The following CFAP20DC variants were observed in gnomAD, a reference collection of about 807,000 sequenced individuals.
CFAP20DC encodes the protein protein CFAP20DC.
A neutral mutation model predicts 101.7 loss-of-function variants in CFAP20DC; 84 were observed. That is an observed-to-expected ratio of 0.83 (90% CI 0.69 to 0.99). CFAP20DC has a LOEUF of 0.99. CFAP20DC is among the 50% of genes least tolerant of loss of function. CFAP20DC has a pLI of 0.00. For missense variants in CFAP20DC, 1,007 were observed against 970.3 expected (o/e 1.04, Z -0.50); for synonymous variants, 359 against 351.2 (o/e 1.02, Z -0.25).
At position 58,933,589 on chromosome 3, in the gene CFAP20DC, A is replaced by T. The variant is rs1452592753; in HGVS notation, c.393+4059T>A. ...CAAACTGTCTCTCAGACCACAGTGA[A>T]ATCAAACCAGAACTCAGGATTAAGA... is the stretch of plus-strand genomic sequence containing the variant. On this transcript the variant is annotated intron_variant, in intron 5 of 16. Transcript: ENST00000482387. 4.6e-5 allele frequency among the ~76,000 whole-genome samples: 7 copies of T among 152,234 alleles called. No individual in the cohort carries two copies. In the East Asian group the frequency reaches 1.3e-3, roughly 29 times the overall value.
intron 4 of CFAP20DC, among the ~76,000 whole-genome samples, chr3:59,028,322 CAAAAT>C (rs1485070143): frequency 2.6e-5 from 4 of 152,106 alleles, no homozygotes; most frequent in African/African-American, 9.7e-5. Flanking sequence ...AATGCTAAAA[CAAAAT>C]AAAGATTTCA....
At chr3:59,029,526 A>G (rs1298086232) in intron 4 of CFAP20DC, among the ~76,000 whole-genome samples, 1 of 152,078 alleles carries the variant, frequency 6.6e-6, no homozygotes, top group Non-Finnish European at 1.5e-5. Context: ...AAGAGACTTC[A>G]CCTGGTGCGT....
intron 14 of CFAP20DC, among the ~76,000 whole-genome samples, chr3:58,823,165 T>C (rs1411926800): frequency 2.0e-5 from 3 of 152,114 alleles, no homozygotes; most frequent in Admixed American, 2.0e-4. Context: ...TTACATGAAA[T>C]AAATTTGTAT....
chr3:58,959,293 C>T (rs1183449323), intron 4 of CFAP20DC, among the ~76,000 whole-genome samples: 6 of 152,144 alleles, frequency 3.9e-5, no homozygotes, highest in Admixed American at 3.9e-4. Flanking sequence ...AGGGTTTCAC[C>T]ATGTTGGTCA....
intron 5 of CFAP20DC, among the ~76,000 whole-genome samples, chr3:58,934,098 C>T (rs1422349334): frequency 2.6e-5 from 4 of 152,116 alleles, no homozygotes; most frequent in Non-Finnish European, 5.9e-5. Flanking sequence ...ATATCACCAT[C>T]GATCCCACAG....
intron 3 of CFAP20DC, among the ~76,000 whole-genome samples, chr3:59,039,902 A>T (rs920706917): frequency 6.6e-6 from 1 of 152,020 alleles, no homozygotes; most frequent in South Asian, 2.1e-4. Context: ...AGTTTTTATT[A>T]TTTTTATTAG....
Position 59,006,926 on chromosome 3 carries a change from C to T in CFAP20DC, c.278+32631G>A, listed in dbSNP as rs971902211. Reference sequence around the variant, plus strand: ...CTGAAAGCCTTGCTTGCTTTCTCAGCGTGGAAGCTTATGGCCTGGGGCAGG... The same window carrying T: ...CTGAAAGCCTTGCTTGCTTTCTCAGTGTGGAAGCTTATGGCCTGGGGCAGG... On this transcript the variant is annotated intron_variant, in intron 4 of 16. Coordinates refer to ENST00000482387, the MANE Select transcript of CFAP20DC (RefSeq NM_001394063.1). The surrounding 1 kb of genome is among the most constrained non-coding windows in gnomAD (Gnocchi z 4.3). Among the ~76,000 whole-genome samples the T allele has an allele frequency of 5.3e-5, 8 of 152,144 alleles. No individual in the cohort carries two copies. In the South Asian group the frequency reaches 8.3e-4, roughly 16 times the overall value.
intron 14 of CFAP20DC, among the ~76,000 whole-genome samples, chr3:58,830,170 C>A (rs372456714): frequency 6.6e-6 from 1 of 152,118 alleles, no homozygotes; most frequent in South Asian, 2.1e-4. Context: ...GCAAGAGAAA[C>A]CTGAAGGTAT....
At chr3:58,928,286 A>AATGATGAG (rs1175696254) in intron 5 of CFAP20DC, among the ~76,000 whole-genome samples, 5 of 152,206 alleles carry the variant, frequency 3.3e-5, no homozygotes, top group African/African-American at 1.2e-4. Context: ...TGTGAATGGC[A>AATGATGAG]ATGATGAGCT....
At chr3:58,807,248 G>C (rs755075733) in intron 14 of CFAP20DC, among the ~76,000 whole-genome samples, 1 of 152,176 alleles carries the variant, frequency 6.6e-6, no homozygotes, top group South Asian at 2.1e-4. Context: ...ATCTGAGAAT[G>C]GGCAGACTGC....
chr3:58,763,917 A>G (rs1052622109), intron 15 of CFAP20DC, among the ~76,000 whole-genome samples: 1 of 152,168 alleles, frequency 6.6e-6, no homozygotes, highest in African/African-American at 2.4e-5. Context: ...TCAGAGGCAT[A>G]CCTGGCCATG....
At chr3:58,965,075 A>G (rs2091431460) in intron 4 of CFAP20DC, among the ~76,000 whole-genome samples, 1 of 152,100 alleles carries the variant, frequency 6.6e-6, no homozygotes, top group Non-Finnish European at 1.5e-5. Flanking sequence ...TCATACCTCT[A>G]CCATTTCATT....
At chr3:58,963,190 T>TTTTG (rs374640126) in intron 4 of CFAP20DC, among the ~76,000 whole-genome samples, 3 of 118,184 alleles carry the variant, frequency 2.5e-5, no homozygotes, top group African/African-American at 9.1e-5. Flanking sequence ...GTTCAGTAGT[T>TTTTG]TGTGTGTGTG....
intron 6 of CFAP20DC, among the ~76,000 whole-genome samples, chr3:58,885,854 T>A (rs11919196): frequency 0.015 from 2,219 of 152,244 alleles, 28 homozygotes; most frequent in Middle Eastern, 0.037. Flanking sequence ...TATTCATTCA[T>A]CTGTTGTTGG....
intron 7 of CFAP20DC, among the ~76,000 whole-genome samples, chr3:58,878,549 T>C (rs1382515450): frequency 6.6e-6 from 1 of 152,174 alleles, no homozygotes; most frequent in Non-Finnish European, 1.5e-5. Context: ...TCAAGAAAAC[T>C]TTCCATTTTG....
At chr3:58,976,483 T>G (rs774251614) in intron 4 of CFAP20DC, among the ~76,000 whole-genome samples, 5 of 152,162 alleles carry the variant, frequency 3.3e-5, no homozygotes, top group African/African-American at 1.2e-4. Flanking sequence ...ATCACCTGTG[T>G]CCTGAAAGTG....
intron 1 of CFAP20DC, among the ~76,000 whole-genome samples, chr3:59,047,700 A>G (rs1423592664): frequency 6.6e-6 from 1 of 152,186 alleles, no homozygotes; most frequent in East Asian, 1.9e-4. Context: ...TGAGGCTCCA[A>G]CACTGGCTTT....
At chr3:58,777,613 C>T (rs139824124) in intron 15 of CFAP20DC, among the ~76,000 whole-genome samples, 43 of 152,286 alleles carry the variant, frequency 2.8e-4, no homozygotes, top group African/African-American at 8.9e-4. Context: ...GATGAAGTTA[C>T]GATATTTCTC....
chr3:59,013,355 T>A (rs1406750058), intron 4 of CFAP20DC, among the ~76,000 whole-genome samples: 3 of 152,186 alleles, frequency 2.0e-5, no homozygotes, highest in African/African-American at 7.2e-5. Flanking sequence ...AAGAGACACA[T>A]GCTACTGAAC....
Sources: gnomAD v4.1 joint callset for allele counts (sites outside exome capture counted in the v4.1 genomes callset) on GRCh38, gnomAD v4.1.1 for gene constraint, Gnocchi (gnomAD v3.1) non-coding constraint, MANE v1.5 for transcripts, NCBI Gene and HGNC (gene_info 2026-07-23, HGNC 2026-07-21) for gene names.